SLCO1A2: variants seen among roughly 807,000 people sequenced by gnomAD.
The protein encoded by SLCO1A2 is solute carrier organic anion transporter family member 1A2, also known as OATP-1.
A neutral mutation model predicts 69.0 loss-of-function variants in SLCO1A2; 67 were observed. The observed-to-expected ratio is 0.97, with a 90% CI of 0.80 to 1.19. SLCO1A2 has a LOEUF of 1.19. SLCO1A2 is among the 50% of genes most tolerant of loss of function. SLCO1A2 has a pLI of 0.00. For missense variants in SLCO1A2, 787 were observed against 793.7 expected, an observed-to-expected ratio of 0.99 and a Z score of 0.10; for synonymous variants, 260 against 265.9, an observed-to-expected ratio of 0.98 and a Z score of 0.22.
chr12:21,344,998 T>C (rs1953205289), intron 2 of SLCO1A2, among the ~76,000 whole-genome samples: 1 of 151,986 alleles, frequency 6.6e-6, no homozygotes, highest in Admixed American at 6.6e-5. Flanking sequence ...AGTTTATTCA[T>C]ATAAACTCCA....
intron 3 of SLCO1A2, among the ~76,000 whole-genome samples, chr12:21,315,604 A>G (rs1050179586): frequency 6.6e-6 from 1 of 152,140 alleles, no homozygotes; most frequent in Admixed American, 6.6e-5. Context: ...ATATTTTGAA[A>G]AGTTTTCTTT....
chr12:21,338,142 G>C (rs1203697924), upstream of SLCO1A2, among the ~76,000 whole-genome samples: 1 of 151,958 alleles, frequency 6.6e-6, no homozygotes, highest in Non-Finnish European at 1.5e-5. Context: ...AGTAATTCTA[G>C]AGAATGAGTA....
At chr12:21,359,676 G>A (rs941593767) in intron 2 of SLCO1A2, among the ~76,000 whole-genome samples, 2 of 151,964 alleles carry the variant, frequency 1.3e-5, no homozygotes, top group Non-Finnish European at 2.9e-5. Context: ...GAACCCAGGA[G>A]GCAGAGCTTG....
chr12:21,384,765 TTTTC>T (rs1324674751), intron 1 of SLCO1A2, among the ~76,000 whole-genome samples: 34 of 140,714 alleles, frequency 2.4e-4, no homozygotes, highest in Non-Finnish European at 4.4e-4. Context: ...CTTAGTTTTT[TTTTC>T]TTTTTTTTTT....
At chr12:21,355,556 G>C (rs1311989458) in intron 2 of SLCO1A2, among the ~76,000 whole-genome samples, 2 of 152,130 alleles carry the variant, frequency 1.3e-5, no homozygotes, top group Non-Finnish European at 2.9e-5. Flanking sequence ...GAGCTGATGT[G>C]AGTTTCCTAT....
chr12:21,382,225 A>G (rs758655144), intron 1 of SLCO1A2, among the ~76,000 whole-genome samples: 36 of 152,212 alleles, frequency 2.4e-4, no homozygotes, highest in Non-Finnish European at 4.7e-4. Context: ...AGTAACAACA[A>G]GAGTGGAAAA....
intron 12 of SLCO1A2, among the ~76,000 whole-genome samples, chr12:21,289,184 CTGTGTGTGTGTGTGTGTGTGTGTGTG>C (rs10636619): frequency 7.3e-6 from 1 of 136,916 alleles, no homozygotes; most frequent in Admixed American, 7.5e-5. Context: ...TGGTACCATT[CTGTGTGTGTGTGTGTGTGTGTGTGTG>C]TGTGTGTGTG....
At chr12:21,362,838 G>C (rs928704655) in intron 2 of SLCO1A2, among the ~76,000 whole-genome samples, 9 of 152,184 alleles carry the variant, frequency 5.9e-5, no homozygotes, top group Admixed American at 5.9e-4. Context: ...TCAACAAGAA[G>C]AGCTAACTAT....
At chr12:21,388,524 C>G (rs1941000296) in intron 1 of SLCO1A2, among the ~76,000 whole-genome samples, 1 of 152,082 alleles carries the variant, frequency 6.6e-6, no homozygotes, top group South Asian at 2.1e-4. Flanking sequence ...TCCTTTGCTC[C>G]TCCTTCTTCT....
At chr12:21,366,054 T>C (rs1939350282) in intron 2 of SLCO1A2, among the ~76,000 whole-genome samples, 1 of 152,202 alleles carries the variant, frequency 6.6e-6, no homozygotes, top group Non-Finnish European at 1.5e-5. Flanking sequence ...ACTGGGCATA[T>C]ACCCAAAGGA....
At chr12:21,275,012 T>G in intron 13 of SLCO1A2, 1 of 1,020,458 alleles carries the variant, frequency 9.8e-7, no homozygotes, top group Non-Finnish European at 1.2e-6. Flanking sequence ...ATTCTCATAT[T>G]TATAACGTGC....
chr12:21,290,654 T>A (rs1056117063), intron 12 of SLCO1A2, among the ~76,000 whole-genome samples: 1 of 152,012 alleles, frequency 6.6e-6, no homozygotes, highest in African/African-American at 2.4e-5. Context: ...TAAAAATAGA[T>A]TTGAGATGGC....
intron 9 of SLCO1A2, among the ~76,000 whole-genome samples, chr12:21,296,814 T>C (rs1407767594): frequency 6.6e-6 from 1 of 152,196 alleles, no homozygotes; most frequent in Non-Finnish European, 1.5e-5. Flanking sequence ...ACCCCAGGTA[T>C]TTGAAGCTTT....
rs539616888 is a variant in SLCO1A2, at chr12:21,329,733, TCTTTA to T, written c.60+4850_60+4854del. 7.6e-3 allele frequency among the ~76,000 whole-genome samples: 1,086 copies of T among 143,814 alleles called. 10 individuals carry two copies. Among genetic ancestry groups the T allele is most frequent in the African/African-American group, 0.027 (1,025 of 37,286 alleles). 94.3% of individuals were successfully genotyped at this position (143,814 alleles called of 152,430 possible). A position where few individuals can be genotyped will look rare whatever the true frequency, so the allele number is the denominator to read the frequency against. On this transcript the variant is annotated intron_variant, in intron 2 of 14. Coordinates refer to ENST00000683939, the MANE Select transcript of SLCO1A2 (RefSeq NM_001386879.1). ...TAGTTTTATCTATATAATATTTTTA[TCTTTA>T]CTTAAAATAACTCTTAGAAAAAAAA...
At chr12:21,300,037 TATATATATGTGTGTGTAC>T (rs1036327023) in intron 8 of SLCO1A2, among the ~76,000 whole-genome samples, 16 of 143,336 alleles carry the variant, frequency 1.1e-4, no homozygotes, top group Non-Finnish European at 2.2e-4. Context: ...TATGTGTGTA[TATATATATGTGTGTGTAC>T]ATATATATGT....
intron 14 of SLCO1A2, among the ~76,000 whole-genome samples, chr12:21,270,757 C>A (rs1942663347): frequency 6.6e-6 from 1 of 151,322 alleles, no homozygotes; most frequent in Non-Finnish European, 1.5e-5. Context: ...TAATATGTTT[C>A]TAAATTGTTA....
intron 2 of SLCO1A2, among the ~76,000 whole-genome samples, chr12:21,367,102 A>G (rs984282067): frequency 6.6e-6 from 1 of 152,174 alleles, no homozygotes; most frequent in African/African-American, 2.4e-5. Flanking sequence ...GGACTTCTAC[A>G]GAGAGGTTTT....
intron 12 of SLCO1A2, among the ~76,000 whole-genome samples, chr12:21,290,053 CTGTA>C: frequency 6.7e-6 from 1 of 149,758 alleles, no homozygotes; most frequent in African/African-American, 2.5e-5. Flanking sequence ...ATCTGTGTGG[CTGTA>C]TGTACATATG....
chr12:21,362,933 C>T (rs557508113), intron 2 of SLCO1A2, among the ~76,000 whole-genome samples: 2 of 152,264 alleles, frequency 1.3e-5, no homozygotes, highest in Admixed American at 6.5e-5. Flanking sequence ...TAGACTCCCA[C>T]ACAATAATAA....
Sources: allele counts gnomAD v4.1 joint callset (sites outside exome capture counted in the v4.1 genomes callset), GRCh38; gene constraint gnomAD v4.1.1; transcripts MANE v1.5; gene names NCBI Gene and HGNC (gene_info 2026-07-23, HGNC 2026-07-21).